The following GON4L variants were observed in gnomAD, a reference collection of about 807,000 sequenced individuals.
The protein encoded by GON4L is GON-4-like protein.
Under a neutral mutation model 211.8 loss-of-function variants are expected in GON4L, and 87 were observed. The observed-to-expected ratio is 0.41, with a 90% CI of 0.35 to 0.49. The LOEUF is 0.49. GON4L is among the 20% of genes least tolerant of loss of function. GON4L has a pLI of 0.15. For synonymous variants in GON4L, 875 were observed against 962.6 expected, an observed-to-expected ratio of 0.91 and a Z score of 1.68; for missense variants, 2,155 against 2,659.5, an observed-to-expected ratio of 0.81 and a Z score of 4.17.
Position 155,815,483 on chromosome 1 carries a change from G to A in GON4L, c.1161+322C>T, listed in dbSNP as rs576656688. 4.6e-5 allele frequency among the ~76,000 whole-genome samples: 7 copies of A among 152,192 alleles called. No homozygotes were observed. In the South Asian group the frequency reaches 1.5e-3, roughly 32 times the overall value. ...AGGGTAGTGGTTATTTTTAGGGGGA[G>A]GGAGGTGATTGTGACTGGGGAGGGT... On this transcript the variant is annotated intron_variant, in intron 8 of 31. Coordinates refer to ENST00000368331, the MANE Select transcript of GON4L (RefSeq NM_001282860.2).
Position 155,815,886 on chromosome 1 carries a change from C to G in GON4L, c.1080G>C (p.Val360=). Residue 360 remains valine, a synonymous_variant, in exon 8 of 32, where the codon GTG becomes GTC. Transcript: ENST00000368331. The part of the protein sequence containing the change: ...KANEIKPPQF[V]DIHLEEDDSS... ...AATCATCTTCTTCAAGGTGGATATC[C>G]ACAAACTGAGGAGGCTACATTAGTA... 2 of 1,586,496 alleles carry G rather than the reference C, an allele frequency of 1.3e-6. No individual in the cohort carries two copies.
At chr1:155,774,864 A>C (rs1663616848) in intron 17 of GON4L, 138 bp downstream of exon 17, 8 of 909,842 alleles carry the variant, frequency 8.8e-6, no homozygotes, top group Non-Finnish European at 1.4e-5. Context: ...CAAAGGGAGG[A>C]TAAAAGAGAG....
chr1:155,839,894 A>G (rs553997759), intron 2 of GON4L, among the ~76,000 whole-genome samples: 2 of 152,222 alleles, frequency 1.3e-5, no homozygotes, highest in African/African-American at 4.8e-5. Flanking sequence ...TTTCAATTCT[A>G]TAACTTGTTT....
intron 1 of GON4L, among the ~76,000 whole-genome samples, chr1:155,854,778 G>A (rs528940094): frequency 1.3e-5 from 2 of 152,240 alleles, no homozygotes; most frequent in East Asian, 3.9e-4. Flanking sequence ...GCTCACGTCC[G>A]TAATCCCAAC....
At chr1:155,774,536 T>C (rs1042269701) in intron 17 of GON4L, among the ~76,000 whole-genome samples, 22 of 152,092 alleles carry the variant, frequency 1.4e-4, no homozygotes, top group African/African-American at 7.2e-5. Flanking sequence ...CTCCATCTCC[T>C]GACATTGTGT....
Position 155,777,799 on chromosome 1 carries a change from G to A in GON4L, c.1914C>T (p.Asn638=), listed in dbSNP as rs749909732. 1.9e-5 allele frequency: 31 copies of A among 1,612,322 alleles called. No individual in the cohort carries two copies. Among genetic ancestry groups the A allele is most frequent in the Non-Finnish European group, 2.5e-5 (30 of 1,178,674 alleles). ...CTGTCCGATGTTGTTCATTTAACAG[G>A]TTGGCCAGTGGTTCCTCAAACCTAT... ...QALRFEEPLA[N]LLNEQHRTVK... Residue 638 remains asparagine (N), a synonymous_variant, in exon 15 of 32, where the codon AAC becomes AAT. Transcript: ENST00000368331.
At chr1:155,814,633 C>T (rs185927650) in intron 8 of GON4L, among the ~76,000 whole-genome samples, 184 bp from the exon 9 acceptor site, 41 of 152,040 alleles carry the variant, frequency 2.7e-4, no homozygotes, top group African/African-American at 8.0e-4. Flanking sequence ...GTAATCCCAG[C>T]TACTCGGGAG....
At chr1:155,748,370 C>CCCTTTT (rs1335554534), downstream of GON4L, 1 of 1,588,510 alleles carries the variant, frequency 6.3e-7, no homozygotes, top group Non-Finnish European at 8.6e-7. Flanking sequence ...AGGCCCGAGG[C>CCCTTTT]CAAGTGCCCC....
intron 20 of GON4L, chr1:155,766,945 C>G (rs555340596): frequency 3.4e-6 from 2 of 596,366 alleles, no homozygotes; most frequent in East Asian, 3.3e-5. Flanking sequence ...ACTCAGGAGG[C>G]GGAGGCAGGA....
intron 17 of GON4L, 137 bp from the exon 18 acceptor site, chr1:155,773,347 CCCAAAAGTTT>C (rs1019354502): frequency 3.2e-6 from 3 of 925,346 alleles, no homozygotes; most frequent in African/African-American, 3.3e-5. Flanking sequence ...CCACCATCCC[CCCAAAAGTTT>C]CCAGTCTTTC....
chr1:155,771,711 C>T (rs979593316), intron 18 of GON4L, among the ~76,000 whole-genome samples: 16 of 151,996 alleles, frequency 1.1e-4, no homozygotes, highest in Non-Finnish European at 1.8e-4. Context: ...CTCCTGGCCT[C>T]AAGCGATCCT....
At chr1:155,804,928 A>G in intron 11 of GON4L, 21 bp downstream of exon 11, 1 of 1,589,442 alleles carries the variant, frequency 6.3e-7, no homozygotes, top group Non-Finnish European at 8.6e-7. Flanking sequence ...TATACATAAT[A>G]AATCACAAAC....
At chr1:155,854,077 TCTTA>T (rs142069592) in intron 1 of GON4L, among the ~76,000 whole-genome samples, 1,533 of 152,288 alleles carry the variant, frequency 0.01, 23 homozygotes, top group African/African-American at 0.033. Flanking sequence ...AAATAATTGC[TCTTA>T]CTTCATAGAA....
At chr1:155,821,934 T>G (rs538393915) in intron 4 of GON4L, among the ~76,000 whole-genome samples, 103 of 152,304 alleles carry the variant, frequency 6.8e-4, no homozygotes, top group Admixed American at 3.7e-3. Context: ...TGCAATAAAC[T>G]ATTAACCAGG....
At chr1:155,809,061 C>A (rs764288501) in intron 10 of GON4L, among the ~76,000 whole-genome samples, 2 of 151,972 alleles carry the variant, frequency 1.3e-5, no homozygotes, top group Non-Finnish European at 2.9e-5. Context: ...TACAGGCATG[C>A]GCCACCACAC....
rs1478673245 is a variant in GON4L at position 155,763,365 on chromosome 1, G to A, written c.4673C>T (p.Thr1558Ile). The change falls in exon 22 of 32, where the codon ACT (threonine) becomes ATT (isoleucine). Residue 1558 changes from threonine (T) to isoleucine (I), a missense_variant. By Grantham distance (89) the Thr-to-Ile change is moderately conservative. Around this residue, in one of 6 missense-constraint regions of GON4L, gnomAD observed 455 missense variants for 504.6 expected, o/e 0.90. Coordinates refer to ENST00000368331, the MANE Select transcript of GON4L (RefSeq NM_001282860.2). ...AVGDSAEKPPTFASPETAPEV... is the reference protein window; with the variant it reads ...AVGDSAEKPPIFASPETAPEV... Reference sequence around the variant, plus strand: ...TGGAGCAGTCTCAGGTGAAGCAAAAGTAGGAGGCTTCTCAGCAGAGTCTCC... The same window carrying A: ...TGGAGCAGTCTCAGGTGAAGCAAAAATAGGAGGCTTCTCAGCAGAGTCTCC... The A allele has an allele frequency of 1.9e-6, 3 of 1,613,662 alleles. No individual in the cohort carries two copies. The highest frequency in any genetic ancestry group is 2.5e-6 in the Non-Finnish European group (3 of 1,179,742).
In GON4L at chr1:155,766,197, G is replaced by A. The variant is rs144768837; in HGVS notation, c.3276C>T (p.Leu1092=). ...SFPLSESQTL[L]SSAPVPKVML... ...TTACCTTGGGCACAGGGGCAGAAGAGAGCAAAGTCTGGGACTCAGACAGAG... is the reference window on the plus strand; with the variant it reads ...TTACCTTGGGCACAGGGGCAGAAGAAAGCAAAGTCTGGGACTCAGACAGAG... The change falls in exon 21 of 32, where the codon CTC becomes CTT. Residue 1092 remains leucine (L), a synonymous_variant. Transcript: ENST00000368331. 1.2e-6 allele frequency: 2 copies of A among 1,614,136 alleles called. No individual in the cohort carries two copies. Among genetic ancestry groups the A allele is most frequent in the Admixed American group, 3.3e-5 (2 of 60,010 alleles).
At position 155,775,055 on chromosome 1, in the gene GON4L, A is replaced by T. The variant is rs1452477572; in HGVS notation, c.2297T>A (p.Phe766Tyr). The change falls in exon 17 of 32, where the codon TTC becomes TAC. Residue 766 changes from phenylalanine to tyrosine, a missense_variant. By Grantham distance (22) the Phe-to-Tyr change is conservative (BLOSUM62 3). Around this residue, in one of 6 missense-constraint regions of GON4L, gnomAD observed 551 missense variants for 854.0 expected, o/e 0.65. Coordinates refer to ENST00000368331, the MANE Select transcript of GON4L (RefSeq NM_001282860.2). ...LMGAMQLIED[F>Y]STHVSIDCSP... is the part of the protein sequence containing the mutation. ...GCAGTCAATGCTGACATGTGTGCTG[A>T]AGTCTTCAATCAGCTGCATAGCTCC... 4.3e-6 allele frequency: 7 copies of T among 1,613,324 alleles called. No homozygotes were observed. The highest frequency in any genetic ancestry group is 5.9e-6 in the Non-Finnish European group (7 of 1,179,446).
intron 15 of GON4L, 68 bp from the exon 16 acceptor site, chr1:155,776,549 CTT>C (rs60525991): frequency 0.041 from 27,794 of 670,198 alleles, 2 homozygotes; most frequent in East Asian, 0.052. Context: ...CCAGAGAGAT[CTT>C]TTTTTTTTTT....
Sources: gnomAD v4.1 joint callset for allele counts (sites outside exome capture counted in the v4.1 genomes callset) on GRCh38, gnomAD v4.1.1 for gene constraint, gnomAD v4.1.1 regional missense constraint, MANE v1.5 for transcripts, NCBI Gene and HGNC (gene_info 2026-07-23, HGNC 2026-07-21) for gene names.